The following DYRK1B variants were observed in gnomAD, a reference collection of about 807,000 sequenced individuals.
DYRK1B encodes dual specificity tyrosine phosphorylation regulated kinase 1B.
Under a neutral mutation model 57.1 loss-of-function variants are expected in DYRK1B, and 20 were observed. That is an observed-to-expected ratio of 0.35 (90% CI 0.25 to 0.51). The LOEUF is 0.51. DYRK1B is among the 20% of genes least tolerant of loss of function. The pLI is 0.96. For synonymous variants in DYRK1B, 409 were observed against 384.7 expected, an observed-to-expected ratio of 1.06 and a Z score of -0.74; for missense variants, 732 against 886.3, an observed-to-expected ratio of 0.83 and a Z score of 2.21.
chr19:39,827,014 G>GGGGGGGCC, intron 8 of DYRK1B, 27 bp from the exon 9 acceptor site: 4 of 419,598 alleles, frequency 9.5e-6, no homozygotes, highest in South Asian at 2.1e-5. Context: ...GGGAGGGGGG[G>GGGGGGGCC]CAAGAGAGTG....
At chr19:39,830,840 G>A in intron 2 of DYRK1B, 57 bp from the exon 3 acceptor site, 5 of 1,553,228 alleles carry the variant, frequency 3.2e-6, no homozygotes, top group African/African-American at 1.4e-5. Context: ...CCGACCTCAA[G>A]AGGAAGAACT....
chr19:39,832,036 A>C, intron 1 of DYRK1B, 68 bp from the exon 2 acceptor site: 1 of 1,362,964 alleles, frequency 7.3e-7, no homozygotes, highest in Non-Finnish European at 9.4e-7. Context: ...CCAGGCGGGG[A>C]AGAGTGGACA....
chr19:39,826,660 C>T lies in DYRK1B; in HGVS notation c.1411+12G>A, dbSNP rs746461969. Reference sequence around the variant, plus strand: ...CACCCGTTGTACCCCATTTGGGCACCTGGGCACCCACCAGAACTGGAGATG... The same window carrying T: ...CACCCGTTGTACCCCATTTGGGCACTTGGGCACCCACCAGAACTGGAGATG... On this transcript the variant is annotated intron_variant, in intron 9 of 10. Coordinates refer to ENST00000323039, the MANE Select transcript of DYRK1B (RefSeq NM_004714.3). This position sits in a 1 kb window ranked among gnomAD's most constrained non-coding sequence, Gnocchi z 6.3. 142 of 1,590,036 alleles carry T rather than the reference C, an allele frequency of 8.9e-5. No homozygotes were observed. The highest frequency in any genetic ancestry group is 1.1e-4 in the Non-Finnish European group (127 of 1,170,068).
At chr19:39,833,470 C>G (rs1417718388) in intron 1 of DYRK1B, 1 of 464,568 alleles carries the variant, frequency 2.2e-6, no homozygotes, top group African/African-American at 2.1e-5. Flanking sequence ...CCACCGGGGG[C>G]GGGGAGAGGA....
Position 39,826,385 on chromosome 19 carries a change from G to A in DYRK1B, c.1412-99C>T, listed in dbSNP as rs1968540876. 2.9e-6 allele frequency: 3 copies of A among 1,037,290 alleles called. No homozygotes were observed. The highest frequency in any genetic ancestry group is 1.6e-5 in the African/African-American group (1 of 60,718). 64.3% of individuals were successfully genotyped at this position (1,037,290 alleles called of 1,614,324 possible). On this transcript the variant is annotated intron_variant, in intron 9 of 10. Transcript: ENST00000323039. The surrounding 1 kb of genome is among the most constrained non-coding windows in gnomAD (Gnocchi z 6.3). The stretch of plus-strand genomic sequence containing the variant: ...AGGGAAGGTCACGGCCCAGGCTCAG[G>A]TTCAGGCTTCAAGAGCAGAGCCCAT...
chr19:39,827,043 G>A, intron 8 of DYRK1B, 56 bp from the exon 9 acceptor site: 2 of 1,340,984 alleles, frequency 1.5e-6, no homozygotes, highest in Non-Finnish European at 2.0e-6. Context: ...TGGGCAGGAG[G>A]GGCAGGGAGA....
Position 39,826,422 on chromosome 19 carries a change from G to T in DYRK1B, c.1412-136C>A. 1.2e-6 allele frequency: 1 copy of T among 857,958 alleles called. No homozygotes were observed. The highest frequency in any genetic ancestry group is 1.7e-6 in the Non-Finnish European group (1 of 583,306). The allele number at this position is 857,958 out of a possible 1,614,324, so 53.1% of individuals were successfully genotyped here. A position where few individuals can be genotyped will look rare whatever the true frequency, so the allele number is the denominator to read the frequency against. On this transcript the variant is annotated intron_variant, in intron 9 of 10. Coordinates refer to ENST00000323039, the MANE Select transcript of DYRK1B (RefSeq NM_004714.3). The surrounding 1 kb of genome is among the most constrained non-coding windows in gnomAD (Gnocchi z 6.3). ...AGAGCAGAGCCCATCTGAAGCACCG[G>T]GCCCAATTCTGAGATTCTGGGTTGG...
chr19:39,831,586 G>A (rs1968811692), intron 2 of DYRK1B, among the ~76,000 whole-genome samples: 1 of 152,174 alleles, frequency 6.6e-6, no homozygotes, highest in African/African-American at 2.4e-5. Context: ...CTCAAGTATG[G>A]AGAACCTAAG....
chr19:39,827,539 C>T lies in DYRK1B; in HGVS notation c.925G>A (p.Gly309Arg), dbSNP rs758942630. ...TTGGAGCCACTGAAGAGGGGCTCTC[C>T]GGTGTGCATCTCCACAAGGATGCAG... ...LGCILVEMHT[G>R]EPLFSGSNEV... The change falls in exon 7 of 11, where the codon GGA (glycine) becomes AGA (arginine). Residue 309 changes from glycine to arginine, a missense_variant. By Grantham distance (125) the Gly-to-Arg change is moderately radical (BLOSUM62 -2). Around this residue, in one of 2 missense-constraint regions of DYRK1B, gnomAD observed 510 missense variants for 681.3 expected, o/e 0.75. Transcript: ENST00000323039. 1.9e-6 allele frequency: 3 copies of T among 1,613,908 alleles called. No individual in the cohort carries two copies. Among genetic ancestry groups the T allele is most frequent in the African/African-American group, 1.3e-5 (1 of 74,918 alleles).
chr19:39,825,697 C>G lies in DYRK1B; in HGVS notation c.*18G>C. 6.5e-7 allele frequency: 1 copy of G among 1,543,450 alleles called. No homozygotes were observed. Among genetic ancestry groups the G allele is most frequent in the Non-Finnish European group, 8.7e-7 (1 of 1,146,374 alleles). ...GGGAGGGTATGGCTTCAGGAGGGGCCCCAGGGAGGGGGCAGGGTCACGAGC... is the reference window on the plus strand; with the variant it reads ...GGGAGGGTATGGCTTCAGGAGGGGCGCCAGGGAGGGGGCAGGGTCACGAGC... On this transcript the variant is annotated 3_prime_UTR_variant, in exon 11 of 11. Transcript: ENST00000323039.
At chr19:39,830,271 G>C in intron 4 of DYRK1B, 104 bp downstream of exon 4, 1 of 1,451,680 alleles carries the variant, frequency 6.9e-7, no homozygotes, top group Non-Finnish European at 9.5e-7. Context: ...AACTAAGTGG[G>C]CTAGGGTGAG....
At position 39,831,838 on chromosome 19, in the gene DYRK1B, G is replaced by A. The variant is rs1011437373; in HGVS notation, c.30C>T (p.Phe10=). Residue 10 remains phenylalanine, a synonymous_variant, in exon 2 of 11, where the codon TTC becomes TTT. Transcript: ENST00000323039. MAVPPGHGP[F]SGFPGPQEHT... ...GCTCCTGGGGCCCTGGGAAGCCAGA[G>A]AAGGGACCATGGCCCGGTGGGACGG... is the stretch of plus-strand genomic sequence containing the variant. 2.6e-6 allele frequency: 4 copies of A among 1,540,180 alleles called. No individual in the cohort carries two copies. The highest frequency in any genetic ancestry group is 1.2e-5 in the South Asian group (1 of 83,276).
At chr19:39,833,948 A>ACGGGAGCAGGGCGGATCC (rs1968955821) in intron 1 of DYRK1B, 75 bp downstream of exon 1, 1 of 152,880 alleles carries the variant, frequency 6.5e-6, no homozygotes, top group South Asian at 1.9e-4. Context: ...TCTCACGGCG[A>ACGGGAGCAGGGCGGATCC]CGGGAGCAGG....
rs375195429 is a variant in DYRK1B at position 39,828,271 on chromosome 19, G to A, written c.807+26C>T. On this transcript the variant is annotated intron_variant, in intron 6 of 10. Transcript: ENST00000323039. This position sits in a 1 kb window ranked among gnomAD's most constrained non-coding sequence, Gnocchi z 4.3. ...CTGCCCCACCCAAACTACTAGCCGT[G>A]CTCCCAGGACCGGGCCGCCCCCTAC... The A allele has an allele frequency of 6.2e-7, 1 of 1,610,044 alleles. No homozygotes were observed.
intron 5 of DYRK1B, among the ~76,000 whole-genome samples, chr19:39,829,078 C>T (rs1968683499): frequency 6.6e-6 from 1 of 152,148 alleles, no homozygotes; most frequent in African/African-American, 2.4e-5. Flanking sequence ...GAGTCCACGA[C>T]CTCATCAAAT....
intron 5 of DYRK1B, 54 bp downstream of exon 5, chr19:39,829,826 G>A (rs1280490386): frequency 1.3e-6 from 2 of 1,595,232 alleles, no homozygotes. Flanking sequence ...ATCCCTACTG[G>A]CTCCAGCTCC....
chr19:39,830,877 T>A, intron 2 of DYRK1B, 94 bp from the exon 3 acceptor site: 2 of 1,425,726 alleles, frequency 1.4e-6, no homozygotes, highest in Non-Finnish European at 1.9e-6. Flanking sequence ...CATCATGTAT[T>A]TGGTTGCTGT....
Position 39,826,249 on chromosome 19 carries a change from G to A in DYRK1B, c.1449C>T (p.Tyr483=). The A allele has an allele frequency of 1.3e-6, 2 of 1,597,516 alleles. No individual in the cohort carries two copies. Among genetic ancestry groups the A allele is most frequent in the African/African-American group, 1.4e-5 (1 of 73,824 alleles). Residue 483 remains tyrosine, a synonymous_variant, in exon 10 of 11, where the codon TAC becomes TAT. Coordinates refer to ENST00000323039, the MANE Select transcript of DYRK1B (RefSeq NM_004714.3). This position sits in a 1 kb window ranked among gnomAD's most constrained non-coding sequence, Gnocchi z 6.3. ...SSGSSSDNRT[Y]RYSNRYCGGP... ...CCCCACAATATCGGTTGCTGTAGCGGTAGGTCCGGTTGTCACTGGAGGAGC... is the reference window on the plus strand; with the variant it reads ...CCCCACAATATCGGTTGCTGTAGCGATAGGTCCGGTTGTCACTGGAGGAGC...
Position 39,826,247 on chromosome 19 carries a change from C to T in DYRK1B, c.1451G>A (p.Arg484His), listed in dbSNP as rs146439716. ...SGSSSDNRTY[R>H]YSNRYCGGPG... The stretch of plus-strand genomic sequence containing the variant: ...GCCCCCACAATATCGGTTGCTGTAG[C>T]GGTAGGTCCGGTTGTCACTGGAGGA... The change falls in exon 10 of 11, where the codon CGC becomes CAC. Residue 484 changes from arginine to histidine, a missense_variant. Arg to His is a conservative substitution (Grantham distance 29). Transcript: ENST00000323039. The surrounding 1 kb of genome is among the most constrained non-coding windows in gnomAD (Gnocchi z 6.3). 6 of 1,594,878 alleles carry T rather than the reference C, an allele frequency of 3.8e-6. No homozygotes were observed. The African/African-American group carries it at 4.1e-5, about 11-fold the overall frequency.
Sources: allele counts gnomAD v4.1 joint callset (sites outside exome capture counted in the v4.1 genomes callset), GRCh38; gene constraint gnomAD v4.1.1; regional missense constraint gnomAD v4.1.1; non-coding constraint Gnocchi (gnomAD v3.1); transcripts MANE v1.5; gene names NCBI Gene and HGNC (gene_info 2026-07-23, HGNC 2026-07-21).